The following RREB1 variants were observed in gnomAD, a reference collection of about 807,000 sequenced individuals.
RREB1 encodes the protein ras responsive element binding protein 1.
A neutral mutation model predicts 117.8 loss-of-function variants in RREB1; 27 were observed. The observed-to-expected ratio is 0.23, with a 90% CI of 0.17 to 0.32. The LOEUF is 0.32. Ranked by LOEUF, RREB1 falls within the 10% of genes least tolerant of loss-of-function variation. The pLI is 1.00. For missense variants in RREB1, 2,577 were observed against 2,378.2 expected (o/e 1.08, Z -1.74); for synonymous variants, 1,298 against 1,026.7 (o/e 1.26, Z -5.05).
chr6:7,229,079 T>C lies in RREB1; in HGVS notation c.980T>C (p.Met327Thr). The part of the protein sequence containing the change: ...VCDTCDKAFP[M>T]LCSLALHKQT... ...GACACCTGTGACAAGGCGTTCCCCA[T>C]GCTCTGCTCACTGGCTCTGCACAAG... Residue 327 changes from methionine (M) to threonine (T), a missense_variant, in exon 10 of 13, where the codon ATG (methionine) becomes ACG (threonine). Coordinates refer to ENST00000379938, the MANE Select transcript of RREB1 (RefSeq NM_001003699.4). The surrounding 1 kb of genome is among the most constrained non-coding windows in gnomAD (Gnocchi z 4.5). 6.3e-7 allele frequency: 1 copy of C among 1,590,852 alleles called. No homozygotes were observed. Among genetic ancestry groups the C allele is most frequent in the Non-Finnish European group, 8.6e-7 (1 of 1,163,580 alleles).
chr6:7,203,999 C>T (rs1469743740), intron 6 of RREB1, among the ~76,000 whole-genome samples: 1 of 152,214 alleles, frequency 6.6e-6, no homozygotes, highest in East Asian at 1.9e-4. Context: ...GTGCATTTCA[C>T]CAGGAGCATC....
chr6:7,117,199 T>C (rs535603972), intron 1 of RREB1, among the ~76,000 whole-genome samples: 1 of 152,136 alleles, frequency 6.6e-6, no homozygotes, highest in Non-Finnish European at 1.5e-5. Context: ...TCATTTTCAC[T>C]GTTTTAAGGG....
At chr6:7,176,073 C>T (rs1764484260) in intron 1 of RREB1, among the ~76,000 whole-genome samples, 1 of 152,200 alleles carries the variant, frequency 6.6e-6, no homozygotes, top group South Asian at 2.1e-4. Context: ...CATGCCACCA[C>T]ACCCAGCTGA....
At chr6:7,131,927 T>A (rs983885096) in intron 1 of RREB1, among the ~76,000 whole-genome samples, 2 of 152,026 alleles carry the variant, frequency 1.3e-5, no homozygotes, top group African/African-American at 4.8e-5. Flanking sequence ...GGTGTGATCT[T>A]GGCTCACTGC....
chr6:7,127,545 T>A (rs1761990074), intron 1 of RREB1, among the ~76,000 whole-genome samples: 1 of 152,182 alleles, frequency 6.6e-6, no homozygotes, highest in Admixed American at 6.5e-5. Flanking sequence ...GAGATTGGAA[T>A]TCTTTAGAGG....
intron 3 of RREB1, 169 bp downstream of exon 3, chr6:7,181,415 A>G (rs1764787571): frequency 9.9e-6 from 4 of 402,676 alleles, no homozygotes; most frequent in Non-Finnish European, 1.7e-5. Flanking sequence ...CCCCATCAGA[A>G]TCACTGTATT....
At chr6:7,174,222 CTT>C (rs1381146586) in intron 1 of RREB1, among the ~76,000 whole-genome samples, 5 of 138,796 alleles carry the variant, frequency 3.6e-5, no homozygotes, top group East Asian at 2.2e-4. Flanking sequence ...TCTAATAACT[CTT>C]TTGTACTTTT....
At position 7,150,973 on chromosome 6, in the gene RREB1, G is replaced by T. The variant is rs185091422; in HGVS notation, c.-284-25682G>T. 2.0e-5 allele frequency among the ~76,000 whole-genome samples: 3 copies of T among 152,322 alleles called. No individual in the cohort carries two copies. In the East Asian group the frequency reaches 5.8e-4, roughly 29 times the overall value. On this transcript the variant is annotated intron_variant, in intron 1 of 12. Transcript: ENST00000379938. ...GCGTGGATTTGAACAGCTGCTGGCCGCCCGGAGATCAGCCTCCATGCATCA... is the reference window on the plus strand; with the variant it reads ...GCGTGGATTTGAACAGCTGCTGGCCTCCCGGAGATCAGCCTCCATGCATCA...
chr6:7,161,486 G>A (rs1763661333), intron 1 of RREB1, among the ~76,000 whole-genome samples: 1 of 152,176 alleles, frequency 6.6e-6, no homozygotes, highest in Non-Finnish European at 1.5e-5. Flanking sequence ...TGTTCATAGA[G>A]TTCAGTTTGA....
chr6:7,142,601 G>A (rs2113392393), intron 1 of RREB1, among the ~76,000 whole-genome samples: 1 of 152,370 alleles, frequency 6.6e-6, no homozygotes, highest in African/African-American at 2.4e-5. Context: ...GGTCAGGCTT[G>A]ACCCCCAGCA....
intron 1 of RREB1, among the ~76,000 whole-genome samples, chr6:7,152,694 G>A (rs972421947): frequency 6.6e-6 from 1 of 152,212 alleles, no homozygotes; most frequent in African/African-American, 2.4e-5. Context: ...AGGAGCAGCA[G>A]GGTCCCTTCA....
intron 1 of RREB1, among the ~76,000 whole-genome samples, chr6:7,138,414 A>G (rs1377617148): frequency 6.6e-6 from 1 of 152,248 alleles, no homozygotes; most frequent in Non-Finnish European, 1.5e-5. Context: ...ACACTTGAAT[A>G]TTTTTTAAAT....
At chr6:7,145,237 T>C (rs1397865279) in intron 1 of RREB1, among the ~76,000 whole-genome samples, 1 of 152,232 alleles carries the variant, frequency 6.6e-6, no homozygotes, top group Non-Finnish European at 1.5e-5. Flanking sequence ...CAGGTTTACA[T>C]GTGTGGTCGC....
At chr6:7,183,377 T>C (rs568830614) in intron 4 of RREB1, 69 of 152,394 alleles carry the variant, frequency 4.5e-4, no homozygotes, top group African/African-American at 1.7e-3. Context: ...CATCAGCCCA[T>C]TGGACAATAT....
chr6:7,207,660 T>A (rs1278275088), intron 6 of RREB1, among the ~76,000 whole-genome samples: 1 of 152,164 alleles, frequency 6.6e-6, no homozygotes, highest in African/African-American at 2.4e-5. Flanking sequence ...GATCCAGCAT[T>A]TCATGAAGGA....
chr6:7,118,801 ATTTTTTT>A (rs70978942), intron 1 of RREB1, among the ~76,000 whole-genome samples: 1 of 47,056 alleles, frequency 2.1e-5, no homozygotes, highest in African/African-American at 9.2e-5. Flanking sequence ...GTTTTTTTTA[ATTTTTTT>A]TTTTTTTTTT....
In RREB1 at chr6:7,189,136, G is replaced by T. The variant is rs370196682; in HGVS notation, c.262-23G>T. ...TTCTGATGCACTTTCTTAAGTGACC[G>T]CTGTGACCATTGCTTTCTGCAGCAC... On this transcript the variant is annotated intron_variant, in intron 5 of 12. Transcript: ENST00000379938. 21 of 1,604,016 alleles carry T rather than the reference G, an allele frequency of 1.3e-5. No individual in the cohort carries two copies. The African/African-American group carries it at 2.3e-4, about 17-fold the overall frequency.
At chr6:7,131,650 C>T (rs1762160688) in intron 1 of RREB1, among the ~76,000 whole-genome samples, 1 of 152,062 alleles carries the variant, frequency 6.6e-6, no homozygotes, top group Non-Finnish European at 1.5e-5. Flanking sequence ...GTAAAAATAT[C>T]CACTTTTGGG....
intron 10 of RREB1, among the ~76,000 whole-genome samples, chr6:7,236,531 C>A (rs1768330136): frequency 6.6e-6 from 1 of 152,204 alleles, no homozygotes; most frequent in Non-Finnish European, 1.5e-5. Context: ...CCTGTGTACA[C>A]TTCTGCCAAA....
Sources: gnomAD v4.1 joint callset for allele counts (sites outside exome capture counted in the v4.1 genomes callset) on GRCh38, gnomAD v4.1.1 for gene constraint, Gnocchi (gnomAD v3.1) non-coding constraint, MANE v1.5 for transcripts, NCBI Gene and HGNC (gene_info 2026-07-23, HGNC 2026-07-21) for gene names.